The following FAF1 variants were observed in gnomAD, a reference collection of about 807,000 sequenced individuals.
FAF1 encodes FAS-associated factor 1.
Under a neutral mutation model 92.5 loss-of-function variants are expected in FAF1, and 25 were observed. The ratio of observed to expected loss-of-function variants is 0.27; its 90% confidence interval spans 0.20 to 0.38. The LOEUF (loss-of-function observed/expected upper bound fraction) is 0.38, where lower values mean the gene tolerates loss of function less well. FAF1 is among the 10% of genes least tolerant of loss of function. The probability of loss-of-function intolerance (pLI) is 1.00; values close to 1 mark genes in which losing one functional copy is unlikely to be tolerated. For missense variants in FAF1, 636 were observed against 793.3 expected, an observed-to-expected ratio of 0.80 and a Z score of 2.38; for synonymous variants, 234 against 273.2, an observed-to-expected ratio of 0.86 and a Z score of 1.42.
intron 18 of FAF1, among the ~76,000 whole-genome samples, chr1:50,446,152 G>A (rs1646225026): frequency 5.3e-5 from 8 of 152,112 alleles, no homozygotes; most frequent in Admixed American, 5.2e-4. Flanking sequence ...TCATTTCATA[G>A]AAGGGCGATC....
At chr1:50,512,764 C>A (rs756134808) in intron 15 of FAF1, among the ~76,000 whole-genome samples, 2 of 152,084 alleles carry the variant, frequency 1.3e-5, no homozygotes, top group Admixed American at 6.5e-5. Flanking sequence ...TTTTCTAATT[C>A]TGTGAAGAAA....
At chr1:50,913,671 T>C (rs1398440462) in intron 1 of FAF1, among the ~76,000 whole-genome samples, 1 of 152,194 alleles carries the variant, frequency 6.6e-6, no homozygotes, top group Non-Finnish European at 1.5e-5. Flanking sequence ...AAGTAGTCTG[T>C]ACACATTATA....
At position 50,572,543 on chromosome 1, in the gene FAF1, T is replaced by C. The variant is rs116151857; in HGVS notation, c.1114-5312A>G. 9.2e-3 allele frequency among the ~76,000 whole-genome samples: 1,405 copies of C among 152,342 alleles called. 8 individuals are homozygous for C. The highest frequency in any genetic ancestry group is 0.016 in the Non-Finnish European group (1,066 of 68,032). On this transcript the variant is annotated intron_variant, in intron 12 of 18. Transcript: ENST00000396153. ...TGCTATTCTTGTATATGGATGTTCA[T>C]AGGTACCACATAGCATACAATCATG...
chr1:50,724,742 A>G (rs1658574631), intron 6 of FAF1, among the ~76,000 whole-genome samples: 1 of 152,254 alleles, frequency 6.6e-6, no homozygotes, highest in Non-Finnish European at 1.5e-5. Context: ...ATACCACGTT[A>G]GATTTCACAG....
chr1:50,551,712 G>A (rs531986291), intron 13 of FAF1, among the ~76,000 whole-genome samples: 6 of 152,200 alleles, frequency 3.9e-5, no homozygotes, highest in Admixed American at 6.5e-5. Flanking sequence ...ATATAATAAG[G>A]TGTTCCAAAA....
chr1:50,607,036 G>A (rs1327101161), intron 8 of FAF1: 1 of 152,064 alleles, frequency 6.6e-6, no homozygotes, highest in African/African-American at 2.4e-5. Context: ...AACTAAAAAG[G>A]TATCTCTGTC....
At chr1:50,576,942 C>T (rs559059844) in intron 12 of FAF1, among the ~76,000 whole-genome samples, 4 of 151,598 alleles carry the variant, frequency 2.6e-5, no homozygotes, top group Non-Finnish European at 4.4e-5. Flanking sequence ...GTTGGGATTA[C>T]AGGTGTAAGT....
At chr1:50,514,021 C>T (rs937577069) in intron 15 of FAF1, among the ~76,000 whole-genome samples, 1 of 152,156 alleles carries the variant, frequency 6.6e-6, no homozygotes, top group South Asian at 2.1e-4. Context: ...GAATGATTTT[C>T]CTGGGTGTGT....
intron 18 of FAF1, among the ~76,000 whole-genome samples, chr1:50,449,494 T>C (rs866881529): frequency 5.6e-4 from 84 of 149,032 alleles, no homozygotes; most frequent in Non-Finnish European, 8.7e-4. Context: ...TCTTTCTTTT[T>C]TTTTTTTTTT....
intron 2 of FAF1, among the ~76,000 whole-genome samples, chr1:50,841,475 CAAT>C (rs1442599447): frequency 6.6e-6 from 1 of 151,812 alleles, no homozygotes; most frequent in Non-Finnish European, 1.5e-5. Flanking sequence ...TTAAATTTTT[CAAT>C]AATATCCATG....
intron 2 of FAF1, among the ~76,000 whole-genome samples, chr1:50,844,644 C>T (rs752954756): frequency 1.3e-5 from 2 of 150,816 alleles, no homozygotes; most frequent in Admixed American, 6.6e-5. Context: ...GAAACTGATT[C>T]GGGAAAAATG....
intron 7 of FAF1, among the ~76,000 whole-genome samples, chr1:50,696,899 A>G (rs898093223): frequency 2.0e-5 from 3 of 152,212 alleles, no homozygotes; most frequent in African/African-American, 7.2e-5. Context: ...TGATCAAAAT[A>G]TATACTTAGC....
chr1:50,504,673 G>A (rs900722470), intron 15 of FAF1, among the ~76,000 whole-genome samples: 1 of 152,134 alleles, frequency 6.6e-6, no homozygotes, highest in East Asian at 1.9e-4. Flanking sequence ...CTCCTAAACT[G>A]AATAAACAAA....
intron 4 of FAF1, among the ~76,000 whole-genome samples, chr1:50,768,891 C>T (rs990195047): frequency 1.3e-5 from 2 of 151,766 alleles, no homozygotes; most frequent in African/African-American, 2.4e-5. Flanking sequence ...ACTAAAGAAA[C>T]AAGAAGAAAC....
intron 5 of FAF1, among the ~76,000 whole-genome samples, chr1:50,742,757 T>C (rs893941530): frequency 6.6e-6 from 1 of 152,194 alleles, no homozygotes; most frequent in Admixed American, 6.5e-5. Context: ...ATTTTGGTGT[T>C]TTCTTTCTGT....
chr1:50,784,395 C>G (rs980070924), intron 4 of FAF1, among the ~76,000 whole-genome samples: 10 of 152,030 alleles, frequency 6.6e-5, no homozygotes, highest in African/African-American at 2.4e-4. Flanking sequence ...TTTCTATATA[C>G]TAACACTGAA....
intron 6 of FAF1, among the ~76,000 whole-genome samples, chr1:50,713,116 C>A (rs935378548): frequency 1.5e-5 from 2 of 133,484 alleles, no homozygotes; most frequent in East Asian, 4.6e-4. Context: ...GCTGAGATCA[C>A]ACCACTACAC....
chr1:50,716,810 CAAAT>C (rs1361535876), intron 6 of FAF1, among the ~76,000 whole-genome samples: 3 of 152,200 alleles, frequency 2.0e-5, no homozygotes, highest in African/African-American at 7.2e-5. Flanking sequence ...TGGGCAGAGA[CAAAT>C]AAGGGACTAA....
intron 8 of FAF1, among the ~76,000 whole-genome samples, chr1:50,609,013 T>C (rs2124129264): frequency 6.6e-6 from 1 of 152,332 alleles, no homozygotes; most frequent in Middle Eastern, 3.4e-3. Context: ...GCTAAATCAC[T>C]CTGGGGGAAC....
Sources: allele counts gnomAD v4.1 joint callset (sites outside exome capture counted in the v4.1 genomes callset), GRCh38; gene constraint gnomAD v4.1.1; transcripts MANE v1.5; gene names NCBI Gene and HGNC (gene_info 2026-07-23, HGNC 2026-07-21).